Variants in KIF17 observed in about 807,000 individuals in gnomAD.
KIF17 encodes kinesin-like protein KIF17.
A neutral mutation model predicts 96.8 loss-of-function variants in KIF17; 80 were observed. The ratio of observed to expected loss-of-function variants is 0.83; its 90% confidence interval spans 0.69 to 1.00. The LOEUF (loss-of-function observed/expected upper bound fraction) is 1.00, where lower values mean the gene tolerates loss of function less well. Ranked by LOEUF, KIF17 falls within the 50% of genes least tolerant of loss-of-function variation. KIF17 has a pLI of 0.00. For missense variants in KIF17, 1,280 were observed against 1,372.9 expected, an observed-to-expected ratio of 0.93 and a Z score of 1.07; for synonymous variants, 567 against 587.5, an observed-to-expected ratio of 0.97 and a Z score of 0.51.
At chr1:20,690,716 T>C (rs2054024220) in intron 6 of KIF17, among the ~76,000 whole-genome samples, 1 of 151,600 alleles carries the variant, frequency 6.6e-6, no homozygotes, top group Non-Finnish European at 1.5e-5. Flanking sequence ...AGACGGAGTC[T>C]CGCTCTGTCG....
At chr1:20,692,170 T>A (rs1364487306) in intron 6 of KIF17, among the ~76,000 whole-genome samples, 1 of 152,182 alleles carries the variant, frequency 6.6e-6, no homozygotes, top group East Asian at 1.9e-4. Context: ...GATGCACATT[T>A]GGGGACTCCT....
intron 5 of KIF17, among the ~76,000 whole-genome samples, chr1:20,703,981 C>T (rs1357664534): frequency 6.6e-6 from 1 of 152,088 alleles, no homozygotes; most frequent in Non-Finnish European, 1.5e-5. Context: ...GGCCAATGCT[C>T]CAAGTGTGGA....
chr1:20,705,893 CTTTTTTT>C (rs747719983), intron 4 of KIF17, among the ~76,000 whole-genome samples: 13 of 53,566 alleles, frequency 2.4e-4, no homozygotes, highest in East Asian at 4.3e-4. Context: ...TAGGATGTCT[CTTTTTTT>C]TTTTTTTTTT....
intron 7 of KIF17, among the ~76,000 whole-genome samples, chr1:20,688,269 C>T (rs1468759613): frequency 1.3e-5 from 2 of 151,964 alleles, no homozygotes; most frequent in African/African-American, 2.4e-5. Context: ...AGGATGGTCT[C>T]GATCTCCTGA....
At position 20,709,403 on chromosome 1, in the gene KIF17, TTGTC is replaced by T. The variant is rs1300118287; in HGVS notation, c.670+232_670+235del. ...CAAAAAACAAATAAATAAATAAAAA[TTGTC>T]TGGCACACAGTGAGCGCTCAATGTT... On this transcript the variant is annotated intron_variant, in intron 4 of 14. Transcript: ENST00000400463. This position sits in a 1 kb window ranked among gnomAD's most constrained non-coding sequence, Gnocchi z 4.7. Among the ~76,000 whole-genome samples the T allele has an allele frequency of 6.6e-6, 1 of 152,016 alleles. No homozygotes were observed. The highest frequency in any genetic ancestry group is 1.5e-5 in the Non-Finnish European group (1 of 67,996).
At position 20,664,763 on chromosome 1, in the gene KIF17, C is replaced by T. The variant is rs576462222; in HGVS notation, c.2909-1G>A. 623 of 1,611,720 alleles carry T rather than the reference C, an allele frequency of 3.9e-4. 9 individuals are homozygous for T. The South Asian group carries it at 6.3e-3, about 16-fold the overall frequency. Reference sequence around the variant, plus strand: ...AGGCCTGGTGGCGAGTTGTGATGTGCTGTGGGGAAGAGGGCAGAGGTGCTG... The same window carrying T: ...AGGCCTGGTGGCGAGTTGTGATGTGTTGTGGGGAAGAGGGCAGAGGTGCTG... On this transcript the variant is annotated splice_acceptor_variant, in intron 14 of 14. Transcript: ENST00000400463. LOFTEE classifies it high-confidence loss of function.
chr1:20,664,468 G>A lies in KIF17; in HGVS notation c.*116C>T. The A allele has an allele frequency of 1.3e-6, 2 of 1,596,666 alleles. No homozygotes were observed. Among genetic ancestry groups the A allele is most frequent in the East Asian group, 2.2e-5 (1 of 44,632 alleles). The stretch of plus-strand genomic sequence containing the variant: ...AATGTGTCTTCCCAGGGCTGAGGGA[G>A]CCCTCAGGCCCCGGAGCGCTGTGTG... On this transcript the variant is annotated 3_prime_UTR_variant, in exon 15 of 15. Coordinates refer to ENST00000400463, the MANE Select transcript of KIF17 (RefSeq NM_001122819.3).
chr1:20,701,657 G>T (rs1182024668), intron 5 of KIF17, among the ~76,000 whole-genome samples: 3 of 152,166 alleles, frequency 2.0e-5, no homozygotes, highest in Non-Finnish European at 4.4e-5. Flanking sequence ...GGGGAGGCAG[G>T]AAGGGAGCCA....
chr1:20,703,150 TAGAA>T (rs1453588298), intron 5 of KIF17, among the ~76,000 whole-genome samples: 17 of 146,016 alleles, frequency 1.2e-4, no homozygotes, highest in African/African-American at 1.5e-4. Context: ...GGTGGGTAGA[TAGAA>T]GGAAGGATGG....
intron 3 of KIF17, among the ~76,000 whole-genome samples, chr1:20,712,914 A>G (rs1430453092): frequency 1.6e-5 from 2 of 121,920 alleles, no homozygotes; most frequent in Non-Finnish European, 3.2e-5. Context: ...TATTATATAT[A>G]TAATATATCT....
Position 20,672,239 on chromosome 1 carries a change from TC to T in KIF17, c.2464-44del. On this transcript the variant is annotated intron_variant, in intron 11 of 14. Transcript: ENST00000400463. This position sits in a 1 kb window ranked among gnomAD's most constrained non-coding sequence, Gnocchi z 4.3. ...CAAGCAGTGAGCAGGGAAAGATACC[TC>T]CCCTTCCATCTAACCACCCTGTCCA... The T allele has an allele frequency of 6.2e-7, 1 of 1,609,092 alleles. No individual in the cohort carries two copies. Among genetic ancestry groups the T allele is most frequent in the South Asian group, 1.1e-5 (1 of 90,630 alleles).
chr1:20,710,922 C>A (rs916535273), intron 3 of KIF17, among the ~76,000 whole-genome samples: 40 of 152,270 alleles, frequency 2.6e-4, no homozygotes, highest in African/African-American at 6.0e-4. Context: ...CTCCAGGGTT[C>A]AGGGCACAGA....
At chr1:20,674,117 C>T (rs1458339844) in intron 11 of KIF17, among the ~76,000 whole-genome samples, 4 of 151,884 alleles carry the variant, frequency 2.6e-5, no homozygotes, top group African/African-American at 9.7e-5. Context: ...ACTGTAAAGA[C>T]AGGATCTCCC....
At chr1:20,679,459 G>A (rs545942569) in intron 11 of KIF17, among the ~76,000 whole-genome samples, 5 of 152,096 alleles carry the variant, frequency 3.3e-5, no homozygotes, top group Non-Finnish European at 5.9e-5. Context: ...CAGCCTGGGC[G>A]ACAGAGTGAG....
chr1:20,664,865 C>A (rs1015462189), intron 14 of KIF17, 103 bp from the exon 15 acceptor site: 2 of 1,069,186 alleles, frequency 1.9e-6, no homozygotes, highest in Non-Finnish European at 2.8e-6. Context: ...CCCACTCCCG[C>A]CCCCCTGCCC....
chr1:20,708,367 C>T (rs1361806086), intron 4 of KIF17, among the ~76,000 whole-genome samples: 1 of 152,226 alleles, frequency 6.6e-6, no homozygotes, highest in Non-Finnish European at 1.5e-5. Flanking sequence ...GATCTCAGAT[C>T]ACTGCACCCT....
chr1:20,690,352 G>GCGCA lies in KIF17; in HGVS notation c.1234-18_1234-17insTGCG. The GCGCA allele has an allele frequency of 1.3e-5, 6 of 451,130 alleles. No homozygotes were observed. Among genetic ancestry groups the GCGCA allele is most frequent in the Non-Finnish European group, 2.6e-5 (6 of 235,110 alleles). 27.9% of individuals were successfully genotyped at this position (451,130 alleles called of 1,614,324 possible). ...TTCATACTCCTGGGGGGGTGGGAGG[G>GCGCA]ACCAGAGGGCAGGCAGCATTTTATC... On this transcript the variant is annotated splice_polypyrimidine_tract_variant and intron_variant, in intron 6 of 14. Transcript: ENST00000400463.
chr1:20,711,056 T>C (rs926488145), intron 3 of KIF17, among the ~76,000 whole-genome samples: 5 of 152,134 alleles, frequency 3.3e-5, no homozygotes, highest in African/African-American at 9.7e-5. Context: ...GGGCACCTTG[T>C]TCTGTGACTT....
intron 10 of KIF17, 40 bp from the exon 11 acceptor site, chr1:20,682,924 C>T: frequency 6.4e-7 from 1 of 1,562,238 alleles, no homozygotes; most frequent in Non-Finnish European, 8.7e-7. Context: ...ACAATATCTG[C>T]CCATCACCGA....
Sources: gnomAD v4.1 joint callset for allele counts (sites outside exome capture counted in the v4.1 genomes callset) on GRCh38, gnomAD v4.1.1 for gene constraint, Gnocchi (gnomAD v3.1) non-coding constraint, MANE v1.5 for transcripts, NCBI Gene and HGNC (gene_info 2026-07-23, HGNC 2026-07-21) for gene names.